The following CNTNAP2 variants were observed in gnomAD, a reference collection of about 807,000 sequenced individuals.
CNTNAP2 encodes contactin associated protein 2, also known as contactin-associated protein-like 2.
A neutral mutation model predicts 155.2 loss-of-function variants in CNTNAP2; 98 were observed. The ratio of observed to expected loss-of-function variants is 0.63; its 90% confidence interval spans 0.54 to 0.75. CNTNAP2 has a LOEUF of 0.75. Ranked by LOEUF, CNTNAP2 falls within the 30% of genes least tolerant of loss-of-function variation. The pLI, the probability that CNTNAP2 is intolerant of heterozygous loss-of-function variation, is 0.00. For missense variants in CNTNAP2, 1,727 were observed against 1,688.1 expected, an observed-to-expected ratio of 1.02 and a Z score of -0.40; for synonymous variants, 651 against 631.2, an observed-to-expected ratio of 1.03 and a Z score of -0.47.
intron 3 of CNTNAP2, among the ~76,000 whole-genome samples, chr7:146,949,084 G>A (rs1240080398): frequency 8.5e-5 from 13 of 152,136 alleles, no homozygotes; most frequent in Non-Finnish European, 1.8e-4. Flanking sequence ...GCCTTTAACC[G>A]ACTGTGTAAG....
intron 13 of CNTNAP2, among the ~76,000 whole-genome samples, chr7:147,811,150 A>C (rs1798173062): frequency 6.6e-6 from 1 of 152,190 alleles, no homozygotes; most frequent in African/African-American, 2.4e-5. Flanking sequence ...GCTGGAGTGA[A>C]GTGGCACAAT....
intron 1 of CNTNAP2, among the ~76,000 whole-genome samples, chr7:146,688,517 C>A (rs1399242673): frequency 6.6e-6 from 1 of 152,004 alleles, no homozygotes; most frequent in Non-Finnish European, 1.5e-5. Context: ...GGGGGTTGTT[C>A]TCTTGTGGGC....
intron 1 of CNTNAP2, among the ~76,000 whole-genome samples, chr7:146,246,313 A>G (rs955922791): frequency 2.6e-5 from 4 of 151,106 alleles, no homozygotes; most frequent in Non-Finnish European, 5.9e-5. Flanking sequence ...GCTGTAATCC[A>G]GGAATAGTCA....
At chr7:146,962,059 A>G (rs1183963928) in intron 3 of CNTNAP2, among the ~76,000 whole-genome samples, 2 of 152,132 alleles carry the variant, frequency 1.3e-5, no homozygotes, top group East Asian at 3.9e-4. Flanking sequence ...ATAACTCTAA[A>G]CACCATATTT....
chr7:146,524,784 T>C (rs190774050), intron 1 of CNTNAP2, among the ~76,000 whole-genome samples: 1 of 152,250 alleles, frequency 6.6e-6, no homozygotes, highest in Non-Finnish European at 1.5e-5. Flanking sequence ...GACACCTTTT[T>C]AAAGTAAACC....
intron 10 of CNTNAP2, among the ~76,000 whole-genome samples, chr7:147,464,133 C>T (rs924557970): frequency 2.6e-5 from 4 of 151,978 alleles, no homozygotes; most frequent in Non-Finnish European, 4.4e-5. Context: ...TGATTGGCAG[C>T]TATGATTCTC....
At chr7:146,646,466 T>C (rs192232501) in intron 1 of CNTNAP2, among the ~76,000 whole-genome samples, 13 of 152,166 alleles carry the variant, frequency 8.5e-5, no homozygotes, top group Non-Finnish European at 1.3e-4. Context: ...GTAACAGTAA[T>C]GTATAACATA....
chr7:147,127,013 C>G (rs1035180155), intron 6 of CNTNAP2, among the ~76,000 whole-genome samples: 1 of 152,038 alleles, frequency 6.6e-6, no homozygotes, highest in South Asian at 2.1e-4. Context: ...AAGAAATATG[C>G]ACACAGAGGA....
intron 12 of CNTNAP2, among the ~76,000 whole-genome samples, chr7:147,629,871 T>C (rs907400908): frequency 2.0e-5 from 3 of 151,460 alleles, no homozygotes; most frequent in Admixed American, 6.6e-5. Context: ...CATCAAAAAG[T>C]CTGAAAGAGC....
intron 13 of CNTNAP2, among the ~76,000 whole-genome samples, chr7:147,762,721 AGT>A (rs1379954238): frequency 7.8e-6 from 1 of 128,036 alleles, no homozygotes; most frequent in African/African-American, 2.9e-5. Context: ...TGGATGTATA[AGT>A]GGGGGGAGGG....
At chr7:147,782,892 A>T (rs1797680211) in intron 13 of CNTNAP2, among the ~76,000 whole-genome samples, 1 of 152,226 alleles carries the variant, frequency 6.6e-6, no homozygotes. Context: ...TAATCAAGAA[A>T]ATGATGCATA....
At chr7:148,113,954 T>C (rs189274194) in intron 15 of CNTNAP2, among the ~76,000 whole-genome samples, 264 of 152,338 alleles carry the variant, frequency 1.7e-3, no homozygotes, top group African/African-American at 6.1e-3. Flanking sequence ...ATCTTCCCTC[T>C]CAGTTTCCAG....
chr7:146,458,608 C>A (rs1195567641), intron 1 of CNTNAP2, among the ~76,000 whole-genome samples: 1 of 152,080 alleles, frequency 6.6e-6, no homozygotes, highest in African/African-American at 2.4e-5. Context: ...CTATGTAAAA[C>A]CTGATTCATT....
At chr7:146,396,500 TTA>T (rs572302874) in intron 1 of CNTNAP2, among the ~76,000 whole-genome samples, 81 of 152,110 alleles carry the variant, frequency 5.3e-4, no homozygotes, top group African/African-American at 1.9e-3. Flanking sequence ...TAGATTGCAA[TTA>T]GAGTTTACTT....
At chr7:146,160,614 A>T (rs1798204299) in intron 1 of CNTNAP2, among the ~76,000 whole-genome samples, 1 of 152,230 alleles carries the variant, frequency 6.6e-6, no homozygotes, top group African/African-American at 2.4e-5. Flanking sequence ...GAAATGGATA[A>T]ACTCCTGGAC....
At chr7:146,727,414 C>T (rs557112047) in intron 1 of CNTNAP2, among the ~76,000 whole-genome samples, 1 of 152,262 alleles carries the variant, frequency 6.6e-6, no homozygotes, top group Admixed American at 6.5e-5. Context: ...GAGAATGATG[C>T]TTTAGATCCC....
At chr7:148,106,489 TTG>T (rs1491363742) in intron 15 of CNTNAP2, among the ~76,000 whole-genome samples, 1 of 87,636 alleles carries the variant, frequency 1.1e-5, no homozygotes, top group East Asian at 3.5e-4. Context: ...ACTGCACACT[TTG>T]AGATATATAT....
chr7:146,933,387 G>A (rs961704611), intron 3 of CNTNAP2, among the ~76,000 whole-genome samples: 19 of 151,006 alleles, frequency 1.3e-4, no homozygotes, highest in Admixed American at 3.3e-4. Context: ...CTAGCCATAC[G>A]TAGAAAGCTG....
intron 1 of CNTNAP2, among the ~76,000 whole-genome samples, chr7:146,529,433 A>G (rs1049297076): frequency 1.3e-5 from 2 of 152,166 alleles, no homozygotes; most frequent in African/African-American, 4.8e-5. Flanking sequence ...TATTTGGTGT[A>G]TGAGATGATA....
Sources: gnomAD v4.1 joint callset for allele counts (sites outside exome capture counted in the v4.1 genomes callset) on GRCh38, gnomAD v4.1.1 for gene constraint, MANE v1.5 for transcripts, NCBI Gene and HGNC (gene_info 2026-07-23, HGNC 2026-07-21) for gene names.